The following SEC22C variants were observed in gnomAD, a reference collection of about 807,000 sequenced individuals.
SEC22C encodes vesicle-trafficking protein SEC22c.
A neutral mutation model predicts 34.7 loss-of-function variants in SEC22C; 29 were observed. The ratio of observed to expected loss-of-function variants is 0.84; its 90% CI spans 0.62 to 1.14. The LOEUF (loss-of-function observed/expected upper bound fraction) is 1.14. Ranked by LOEUF, SEC22C falls within the 50% of genes most tolerant of loss-of-function variation. The pLI is 0.00. For missense variants in SEC22C, 337 were observed against 369.0 expected, an observed-to-expected ratio of 0.91 and a Z score of 0.71; for synonymous variants, 117 against 132.8, an observed-to-expected ratio of 0.88 and a Z score of 0.82.
Position 42,552,568 on chromosome 3 carries a change from A to C in SEC22C, c.*680T>G. 1.0e-6 allele frequency: 1 copy of C among 978,872 alleles called. No homozygotes were observed. The highest frequency in any genetic ancestry group is 1.2e-6 in the Non-Finnish European group (1 of 824,016). 60.6% of individuals were successfully genotyped at this position (978,872 alleles called of 1,614,324 possible). A position where few individuals can be genotyped will look rare whatever the true frequency, so the allele number is the denominator to read the frequency against. On this transcript the variant is annotated 3_prime_UTR_variant, in exon 7 of 7. Coordinates refer to ENST00000264454, the MANE Select transcript of SEC22C (RefSeq NM_032970.4). ...ATAAATATAAAACATCTCTGTACCC[A>C]AACAGTCCCACCACTATAAAAGGTT... is the stretch of plus-strand genomic sequence containing the variant.
At position 42,578,095 on chromosome 3, in the gene SEC22C, C is replaced by T. The variant is rs995592714; in HGVS notation, c.-28+3751G>A. 3.9e-5 allele frequency among the ~76,000 whole-genome samples: 6 copies of T among 152,316 alleles called. No individual in the cohort carries two copies. In the East Asian group the frequency reaches 7.7e-4, roughly 20 times the overall value. ...AGAGAAATAAAAATTTGTGTCTACA[C>T]GAAAACCTCTGTACAATTGCTCATT... On this transcript the variant is annotated intron_variant, in intron 1 of 6. Transcript: ENST00000264454.
chr3:42,568,418 G>A (rs1317959435), intron 2 of SEC22C, among the ~76,000 whole-genome samples: 3 of 151,984 alleles, frequency 2.0e-5, no homozygotes, highest in Non-Finnish European at 4.4e-5. Context: ...GGTCGAGGCA[G>A]GTGGATCACC....
chr3:42,565,833 C>A (rs539477450), intron 2 of SEC22C: 36 of 448,200 alleles, frequency 8.0e-5, no homozygotes, highest in African/African-American at 7.0e-4. Context: ...GTTATGGCAG[C>A]CTTAGGGAAC....
chr3:42,593,312 G>A (rs1016336092), intron 1 of SEC22C, among the ~76,000 whole-genome samples: 1 of 152,206 alleles, frequency 6.6e-6, no homozygotes, highest in Non-Finnish European at 1.5e-5. Flanking sequence ...AGCTACTTGG[G>A]AGGCCGAGGC....
chr3:42,551,915 C>A lies in SEC22C; in HGVS notation c.*1333G>T. The A allele has an allele frequency of 1.0e-6, 1 of 985,222 alleles. No homozygotes were observed. The highest frequency in any genetic ancestry group is 1.7e-5 in the African/African-American group (1 of 57,348). 61.0% of individuals were successfully genotyped at this position (985,222 alleles called of 1,614,324 possible). ...TAGGATTTTTAAAAATTTATCAAGACCACATAATGCAGTTGAACACTCAAA... is the reference window on the plus strand; with the variant it reads ...TAGGATTTTTAAAAATTTATCAAGAACACATAATGCAGTTGAACACTCAAA... On this transcript the variant is annotated 3_prime_UTR_variant, in exon 7 of 7. Coordinates refer to ENST00000264454, the MANE Select transcript of SEC22C (RefSeq NM_032970.4).
In SEC22C at chr3:42,549,478, T is replaced by A. The variant is rs942346053; in HGVS notation, c.*3770A>T. 1.0e-6 allele frequency: 1 copy of A among 985,840 alleles called. No homozygotes were observed. Among genetic ancestry groups the A allele is most frequent in the African/African-American group, 1.7e-5 (1 of 57,268 alleles). The allele number at this position is 985,840 out of a possible 1,614,324, so 61.1% of individuals were successfully genotyped here. A position where few individuals can be genotyped will look rare whatever the true frequency, so the allele number is the denominator to read the frequency against. ...AACCCCCAGCTCTGCTCCCTACCTA[T>A]GCCCTGCTTCCTGTGCCTCACACAG... On this transcript the variant is annotated 3_prime_UTR_variant, in exon 7 of 7. Transcript: ENST00000264454.
intron 1 of SEC22C, among the ~76,000 whole-genome samples, chr3:42,589,484 C>T (rs1480372429): frequency 6.6e-6 from 1 of 152,086 alleles, no homozygotes; most frequent in African/African-American, 2.4e-5. Flanking sequence ...CCAGGGAAAA[C>T]GAATCTTGTT....
intron 2 of SEC22C, among the ~76,000 whole-genome samples, chr3:42,567,447 C>G (rs1404649158): frequency 6.6e-6 from 1 of 152,192 alleles, no homozygotes; most frequent in Non-Finnish European, 1.5e-5. Context: ...CATTCAAATC[C>G]TGGGCTGACC....
At position 42,555,865 on chromosome 3, in the gene SEC22C, G is replaced by C; in HGVS notation, c.711+65C>G. On this transcript the variant is annotated intron_variant, in intron 6 of 6. Transcript: ENST00000264454. ...AATCACATCTAGAAACTTGCTGATA[G>C]ATGAACAGAAGAACAAAGTAAGGTC... The C allele has an allele frequency of 2.3e-6, 3 of 1,303,856 alleles. No individual in the cohort carries two copies. The South Asian group carries it at 3.6e-5, about 16-fold the overall frequency. The allele number at this position is 1,303,856 out of a possible 1,614,324, so 80.8% of individuals were successfully genotyped here.
chr3:42,591,182 T>C, intron 1 of SEC22C: 10 of 591,376 alleles, frequency 1.7e-5, no homozygotes, highest in South Asian at 1.4e-4. Flanking sequence ...GACGTCACAC[T>C]GCACTAACCC....
upstream of SEC22C, among the ~76,000 whole-genome samples, chr3:42,584,408 A>G (rs1301455973): frequency 7.2e-5 from 11 of 152,092 alleles, no homozygotes; most frequent in East Asian, 2.1e-3. Context: ...GCATCTGCCA[A>G]CACGCCCAGC....
Position 42,550,887 on chromosome 3 carries a change from T to G in SEC22C, c.*2361A>C. 1.6e-6 allele frequency: 1 copy of G among 635,516 alleles called. No individual in the cohort carries two copies. The highest frequency in any genetic ancestry group is 8.2e-5 in the South Asian group (1 of 12,206). 39.4% of individuals were successfully genotyped at this position (635,516 alleles called of 1,614,324 possible). A position where few individuals can be genotyped will look rare whatever the true frequency, so the allele number is the denominator to read the frequency against. On this transcript the variant is annotated 3_prime_UTR_variant, in exon 7 of 7. Transcript: ENST00000264454. ...TACCGACTTTTTTTTTTTTTTTTTT[T>G]GAGACGGAGTCTTGCTTTGTCACCA...
At chr3:42,590,988 C>T in intron 1 of SEC22C, 2 of 54,214 alleles carry the variant, frequency 3.7e-5, no homozygotes, top group Non-Finnish European at 7.3e-5. Context: ...CGCGGGCGGG[C>T]GGGCGGGCGG....
chr3:42,559,148 C>G (rs1702725452), intron 4 of SEC22C, among the ~76,000 whole-genome samples: 1 of 152,232 alleles, frequency 6.6e-6, no homozygotes. Flanking sequence ...CTCCCATTCT[C>G]TCGCTATACT....
rs908189921 is a variant in SEC22C at position 42,550,485 on chromosome 3, T to C, written c.*2763A>G. Reference sequence around the variant, plus strand: ...CCTCGGATGAAATCACCAGAACTTCTTTCCTATTTTCAGTCTCTTCCTTCA... The same window carrying C: ...CCTCGGATGAAATCACCAGAACTTCCTTCCTATTTTCAGTCTCTTCCTTCA... On this transcript the variant is annotated 3_prime_UTR_variant, in exon 7 of 7. Transcript: ENST00000264454. The C allele has an allele frequency of 6.1e-6, 6 of 985,346 alleles. No individual in the cohort carries two copies. The highest frequency in any genetic ancestry group is 4.7e-5 in the South Asian group (1 of 21,286). 61.0% of individuals were successfully genotyped at this position (985,346 alleles called of 1,614,324 possible). A position where few individuals can be genotyped will look rare whatever the true frequency, so the allele number is the denominator to read the frequency against.
intron 1 of SEC22C, among the ~76,000 whole-genome samples, chr3:42,598,385 T>C (rs571174336): frequency 6.6e-6 from 1 of 151,348 alleles, no homozygotes; most frequent in East Asian, 2.0e-4. Flanking sequence ...TGGAGTGCAG[T>C]GGCGCAATCT....
chr3:42,600,104 G>A (rs1705222486), intron 1 of SEC22C, among the ~76,000 whole-genome samples: 1 of 152,108 alleles, frequency 6.6e-6, no homozygotes. Flanking sequence ...TAAACACGAA[G>A]GACCAGATTT....
chr3:42,590,869 G>C (rs1704799244), intron 1 of SEC22C: 3 of 1,613,580 alleles, frequency 1.9e-6, no homozygotes, highest in Non-Finnish European at 2.5e-6. Context: ...CGAGTTGCTT[G>C]GCGGTCGTGG....
chr3:42,589,987 C>T (rs549692087), intron 1 of SEC22C, among the ~76,000 whole-genome samples: 2 of 152,286 alleles, frequency 1.3e-5, no homozygotes, highest in Admixed American at 6.5e-5. Context: ...AGTTCTAAAG[C>T]CAGGCTGCCC....
Sources: allele counts gnomAD v4.1 joint callset (sites outside exome capture counted in the v4.1 genomes callset), GRCh38; gene constraint gnomAD v4.1.1; transcripts MANE v1.5; gene names NCBI Gene and HGNC (gene_info 2026-07-23, HGNC 2026-07-21).